The following PTBP1 variants were observed in gnomAD, a reference collection of about 807,000 sequenced individuals.
PTBP1 encodes polypyrimidine tract binding protein 1, also known as polypyrimidine tract-binding protein 1.
Under a neutral mutation model 59.8 loss-of-function variants are expected in PTBP1, and 8 were observed. The ratio of observed to expected loss-of-function variants is 0.13; its 90% CI spans 0.08 to 0.24. The LOEUF (loss-of-function observed/expected upper bound fraction) is 0.24, where lower values mean the gene tolerates loss of function less well. Among genes scored for constraint, PTBP1 ranks in the 10% least tolerant of loss-of-function variants. The pLI is 1.00. For missense variants in PTBP1, 686 were observed against 767.0 expected (o/e 0.89, Z 1.25); for synonymous variants, 490 against 320.7 (o/e 1.53, Z -5.64).
At position 805,524 on chromosome 19, in the gene PTBP1, G is replaced by C. The variant is rs566559853; in HGVS notation, c.925G>C (p.Ala309Pro). 1.2e-5 allele frequency: 20 copies of C among 1,613,910 alleles called. No individual in the cohort carries two copies. In the Admixed American group the frequency reaches 1.3e-4, roughly 11 times the overall value. ...TGGTATAATCTCAGCCTCTCCGTATGCAGGAGCTGGTTTCCCTCCCACCTT... is the reference window on the plus strand; with the variant it reads ...TGGTATAATCTCAGCCTCTCCGTATCCAGGAGCTGGTTTCCCTCCCACCTT... ...APGIISASPY[A>P]GAGFPPTFAI... The change falls in exon 9 of 15, where the codon GCA becomes CCA. Residue 309 changes from alanine to proline, a missense_variant. Transcript: ENST00000356948.
At chr19:800,614 C>T (rs534980136) in intron 2 of PTBP1, among the ~76,000 whole-genome samples, 1 of 152,324 alleles carries the variant, frequency 6.6e-6, no homozygotes, top group South Asian at 2.1e-4. Flanking sequence ...AGCAGTGGTG[C>T]CTGGGCCAGG....
chr19:798,207 C>T (rs1160597803), intron 1 of PTBP1, among the ~76,000 whole-genome samples: 2 of 152,014 alleles, frequency 1.3e-5, no homozygotes, highest in Admixed American at 6.5e-5. Context: ...GGGGCCTCTC[C>T]AGGGACCCCC....
chr19:808,304 G>T lies in PTBP1; in HGVS notation c.1154-56G>T, dbSNP rs967272806. Reference sequence around the variant, plus strand: ...GGGTGCGCGGGGCCGGGGCTGACGGGGAGATGGGCGGGGCAGGCAGCAGGA... The same window carrying T: ...GGGTGCGCGGGGCCGGGGCTGACGGTGAGATGGGCGGGGCAGGCAGCAGGA... On this transcript the variant is annotated intron_variant, in intron 11 of 14. Coordinates refer to ENST00000356948, the MANE Select transcript of PTBP1 (RefSeq NM_002819.5). This position sits in a 1 kb window ranked among gnomAD's most constrained non-coding sequence, Gnocchi z 4.7. The T allele has an allele frequency of 2.1e-6, 3 of 1,419,062 alleles. No homozygotes were observed. Among genetic ancestry groups the T allele is most frequent in the Non-Finnish European group, 2.9e-6 (3 of 1,027,434 alleles). The allele number at this position is 1,419,062 out of a possible 1,614,324, so 87.9% of individuals were successfully genotyped here. A position where few individuals can be genotyped will look rare whatever the true frequency, so the allele number is the denominator to read the frequency against.
Position 808,473 on chromosome 19 carries a change from C to G in PTBP1, c.1246+21C>G, listed in dbSNP as rs367698817. On this transcript the variant is annotated intron_variant, in intron 12 of 14. Coordinates refer to ENST00000356948, the MANE Select transcript of PTBP1 (RefSeq NM_002819.5). The surrounding 1 kb of genome is among the most constrained non-coding windows in gnomAD (Gnocchi z 4.7). Reference sequence around the variant, plus strand: ...GCTGGGTAAGAGGCCGGGGCGGCCCCGGGGTGGAGGGGGCAGGGGCGGGGG... The same window carrying G: ...GCTGGGTAAGAGGCCGGGGCGGCCCGGGGGTGGAGGGGGCAGGGGCGGGGG... 18 of 1,550,156 alleles carry G rather than the reference C, an allele frequency of 1.2e-5. No homozygotes were observed. The highest frequency in any genetic ancestry group is 2.3e-4 in the Middle Eastern group (1 of 4,378).
At chr19:809,554 TTG>T (rs1830835501) in intron 13 of PTBP1, among the ~76,000 whole-genome samples, 1 of 151,290 alleles carries the variant, frequency 6.6e-6, no homozygotes, top group South Asian at 2.1e-4. Flanking sequence ...TCTCCTGACT[TTG>T]TGATCAACCC....
At chr19:805,837 C>A (rs1360324351) in intron 9 of PTBP1, 5 of 494,186 alleles carry the variant, frequency 1.0e-5, no homozygotes, top group Admixed American at 7.3e-5. Context: ...TCAAGCACCT[C>A]CGGGCGAGCG....
intron 2 of PTBP1, among the ~76,000 whole-genome samples, chr19:801,746 C>T (rs1240687053): frequency 1.3e-5 from 2 of 151,904 alleles, no homozygotes; most frequent in East Asian, 3.9e-4. Context: ...TCCTCCCTTC[C>T]TCCCGTCCTC....
Position 804,404 on chromosome 19 carries a change from AGG to A in PTBP1, c.402_403del (p.Glu135AlafsTer135). 6.2e-7 allele frequency: 1 copy of A among 1,612,302 alleles called. No individual in the cohort carries two copies. Among genetic ancestry groups the A allele is most frequent in the Non-Finnish European group, 8.5e-7 (1 of 1,179,990 alleles). On this transcript the variant is annotated frameshift_variant, in exon 5 of 15. Transcript: ENST00000356948. LOFTEE classifies it high-confidence loss of function. ...ATCTACATCCAGTTCTCCAACCACA[AGG>A]AGCTGAAGACCGACAGCTCTCCCAA...
rs756707129 is a variant in PTBP1 at position 806,463 on chromosome 19, GGCGGCGGCAGCT to G, written c.1037_1048del (p.Ala346_Ala349del). On this transcript the variant is annotated inframe_deletion, in exon 10 of 15. Transcript: ENST00000356948. ...TGGCCCCCCTGGCCATCCCCTCGGC[GGCGGCGGCAGCT>G]GCGGCGGCAGGTCGGATCGCCATCC... 6.6e-5 allele frequency: 105 copies of G among 1,596,192 alleles called. No individual in the cohort carries two copies. Among genetic ancestry groups the G allele is most frequent in the Non-Finnish European group, 8.2e-5 (96 of 1,172,284 alleles).
rs570570123 is a variant in PTBP1, at chr19:810,359, C to G, written c.1464-184C>G. Reference sequence around the variant, plus strand: ...TCTGTTTCTGCAAACTTGTAGATGCCTGGTTTCGTTAGAAGCTGCTTCAGA... The same window carrying G: ...TCTGTTTCTGCAAACTTGTAGATGCGTGGTTTCGTTAGAAGCTGCTTCAGA... On this transcript the variant is annotated intron_variant, in intron 13 of 14. Transcript: ENST00000356948. Among the ~76,000 whole-genome samples, 29 of 152,322 alleles carry G rather than the reference C, an allele frequency of 1.9e-4. No homozygotes were observed. The South Asian group carries it at 4.8e-3, about 25-fold the overall frequency.
chr19:810,669 C>A (rs1237351898), intron 14 of PTBP1, 25 bp from the exon 15 acceptor site: 1 of 1,611,494 alleles, frequency 6.2e-7, no homozygotes. Flanking sequence ...TGCCCTGCGG[C>A]CGGCCCTGAC....
In PTBP1 at chr19:805,102, T is replaced by C. The variant is rs747692444; in HGVS notation, c.807T>C (p.Asn269=). ...KLTSLNVKYN[N]DKSRDYTRPD... ...CCAGCCTCAACGTCAAGTACAACAA[T>C]GACAAGAGCCGTGACTACACACGCC... The change falls in exon 8 of 15, where the codon AAT becomes AAC. Residue 269 remains asparagine (N), a synonymous_variant. Coordinates refer to ENST00000356948, the MANE Select transcript of PTBP1 (RefSeq NM_002819.5). 1.1e-5 allele frequency: 18 copies of C among 1,613,554 alleles called. No homozygotes were observed. In the East Asian group the frequency reaches 3.6e-4, roughly 32 times the overall value.
intron 2 of PTBP1, among the ~76,000 whole-genome samples, 153 bp downstream of exon 2, chr19:799,596 G>T (rs1297524408): frequency 2.0e-5 from 3 of 152,240 alleles, no homozygotes; most frequent in African/African-American, 7.2e-5. Context: ...TGGGCGGTAG[G>T]GTTTGAACCC....
At chr19:805,745 T>C in intron 9 of PTBP1, 176 bp downstream of exon 9, 1 of 633,640 alleles carries the variant, frequency 1.6e-6, no homozygotes, top group Non-Finnish European at 2.8e-6. Flanking sequence ...AGGGCAGTGG[T>C]AGGACAGGGC....
chr19:804,920 G>A lies in PTBP1; in HGVS notation c.698G>A (p.Ser233Asn). The A allele has an allele frequency of 6.2e-7, 1 of 1,613,850 alleles. No individual in the cohort carries two copies. Among genetic ancestry groups the A allele is most frequent in the Non-Finnish European group, 8.5e-7 (1 of 1,179,854 alleles). The change falls in exon 7 of 15, where the codon AGC (serine) becomes AAC (asparagine). Residue 233 changes from serine (S) to asparagine (N), a missense_variant. By Grantham distance (46) the Ser-to-Asn change is conservative. Transcript: ENST00000356948. ...QALLQYADPV[S>N]AQHAKLSLDG... Reference sequence around the variant, plus strand: ...CTGCTGCAGTATGCGGACCCCGTGAGCGCCCAGCACGCCAAGCTGGTGAGT... The same window carrying A: ...CTGCTGCAGTATGCGGACCCCGTGAACGCCCAGCACGCCAAGCTGGTGAGT...
At chr19:810,505 C>G in intron 13 of PTBP1, 38 bp from the exon 14 acceptor site, 1 of 1,587,960 alleles carries the variant, frequency 6.3e-7, no homozygotes, top group Non-Finnish European at 8.6e-7. Context: ...GCCCCCACCC[C>G]CACGCGGCCC....
chr19:805,494 G>A lies in PTBP1; in HGVS notation c.895G>A (p.Ala299Thr), dbSNP rs1347923405. The A allele has an allele frequency of 6.2e-7, 1 of 1,612,798 alleles. No homozygotes were observed. Among genetic ancestry groups the A allele is most frequent in the Non-Finnish European group, 8.5e-7 (1 of 1,178,806 alleles). Reference sequence around the variant, plus strand: ...ATTAGTGTCTCATTTATTTCTAGGTGCACCTGGTATAATCTCAGCCTCTCC... The same window carrying A: ...ATTAGTGTCTCATTTATTTCTAGGTACACCTGGTATAATCTCAGCCTCTCC... ...LDQTMAAAFG[A>T]PGIISASPYA... The change falls in exon 9 of 15, where the codon GCA becomes ACA. Residue 299 changes from alanine to threonine, a missense_variant and splice_region_variant. Physicochemically the swap from Ala to Thr is moderately conservative, Grantham distance 58 (BLOSUM62 0). Coordinates refer to ENST00000356948, the MANE Select transcript of PTBP1 (RefSeq NM_002819.5).
Position 803,595 on chromosome 19 carries a change from C to G in PTBP1, c.74C>G (p.Thr25Ser). Reference protein sequence around the residue: ...GSDELFSTCVTNGPFIMSSNS... With the variant: ...GSDELFSTCVSNGPFIMSSNS... ...GACGAGCTTTTCTCTACTTGTGTCA[C>G]TAACGGACCGTTTATCATGAGCAGC... Residue 25 changes from threonine (T) to serine (S), a missense_variant, in exon 3 of 15, where the codon ACT becomes AGT. Physicochemically the swap from Thr to Ser is moderately conservative, Grantham distance 58. Transcript: ENST00000356948. 1 of 1,614,216 alleles carries G rather than the reference C, an allele frequency of 6.2e-7. No homozygotes were observed. The highest frequency in any genetic ancestry group is 8.5e-7 in the Non-Finnish European group (1 of 1,180,030).
Position 810,928 on chromosome 19 carries a change from T to G in PTBP1, c.*102T>G. 2.5e-6 allele frequency: 3 copies of G among 1,189,390 alleles called. No homozygotes were observed. The highest frequency in any genetic ancestry group is 3.4e-6 in the Non-Finnish European group (3 of 883,468). The allele number at this position is 1,189,390 out of a possible 1,614,324, so 73.7% of individuals were successfully genotyped here. ...GAAGTGACCTTAGCAGACCAGAGATTTTATTTTTTTAAAGAGAAATCAGTT... is the reference window on the plus strand; with the variant it reads ...GAAGTGACCTTAGCAGACCAGAGATGTTATTTTTTTAAAGAGAAATCAGTT... On this transcript the variant is annotated 3_prime_UTR_variant, in exon 15 of 15. Transcript: ENST00000356948.
Sources: gnomAD v4.1 joint callset for allele counts (sites outside exome capture counted in the v4.1 genomes callset) on GRCh38, gnomAD v4.1.1 for gene constraint, Gnocchi (gnomAD v3.1) non-coding constraint, MANE v1.5 for transcripts, NCBI Gene and HGNC (gene_info 2026-07-23, HGNC 2026-07-21) for gene names.